PDE1A: variants seen among roughly 807,000 people sequenced by gnomAD.
PDE1A encodes the protein phosphodiesterase 1A.
In PDE1A, 35 loss-of-function variants were observed where a neutral mutation model predicts 61.7. That is an observed-to-expected ratio of 0.57 (90% CI 0.43 to 0.75). PDE1A has a LOEUF of 0.75. Among genes scored for constraint, PDE1A ranks in the 30% least tolerant of loss-of-function variants. The probability of loss-of-function intolerance (pLI) is 0.00; values close to 1 mark genes in which losing one functional copy is unlikely to be tolerated. For missense variants in PDE1A, 597 were observed against 630.6 expected, an observed-to-expected ratio of 0.95 and a Z score of 0.57; for synonymous variants, 232 against 213.2, an observed-to-expected ratio of 1.09 and a Z score of -0.77.
At chr2:182,264,824 A>T (rs1692487959) in intron 1 of PDE1A, among the ~76,000 whole-genome samples, 1 of 144,662 alleles carries the variant, frequency 6.9e-6, no homozygotes, top group Non-Finnish European at 1.5e-5. Context: ...ATATGGAACC[A>T]ACCTAAGTGC....
At chr2:182,264,538 T>C in intron 1 of PDE1A, 124 bp from the exon 2 acceptor site, 4 of 616,056 alleles carry the variant, frequency 6.5e-6, no homozygotes, top group Non-Finnish European at 1.1e-5. Context: ...GGTCAACAAA[T>C]AGCATTATTT....
chr2:182,698,892 T>G, the PDE1A span, among the ~76,000 whole-genome samples: 1 of 152,212 alleles, frequency 6.6e-6, no homozygotes, highest in Non-Finnish European at 1.5e-5. Context: ...ATTTCATCTC[T>G]AAATGCACTC....
chr2:182,711,887 G>A, the PDE1A span, among the ~76,000 whole-genome samples: 1 of 152,192 alleles, frequency 6.6e-6, no homozygotes, highest in Non-Finnish European at 1.5e-5. Flanking sequence ...TTGGAAGTTT[G>A]ATGAGGAATA....
chr2:182,175,520 T>C lies in PDE1A; in HGVS notation c.1517-7230A>G, dbSNP rs1343386785. Among the ~76,000 whole-genome samples the C allele has an allele frequency of 2.2e-5, 3 of 138,674 alleles. No homozygotes were observed. In the East Asian group the frequency reaches 6.3e-4, roughly 29 times the overall value. 91.0% of individuals were successfully genotyped at this position (138,674 alleles called of 152,430 possible). On this transcript the variant is annotated intron_variant, in intron 13 of 13. Coordinates refer to ENST00000351439, the Ensembl canonical transcript of PDE1A. ...TCTGTTCATGTCCTTTGCCCACTTT[T>C]TGATGGGGTTGTTTGTTTTTTTCTT...
At chr2:182,150,751 A>G (rs1263220281) in intron 13 of PDE1A, among the ~76,000 whole-genome samples, 1 of 152,210 alleles carries the variant, frequency 6.6e-6, no homozygotes, top group Non-Finnish European at 1.5e-5. Flanking sequence ...CAGACTTACC[A>G]AAACCAACAG....
chr2:182,454,842 G>C (rs1371047944), intron 2 of PDE1A, among the ~76,000 whole-genome samples: 2 of 150,942 alleles, frequency 1.3e-5, no homozygotes, highest in African/African-American at 2.4e-5. Flanking sequence ...CAATACGATT[G>C]AGGACATAGG....
intron 7 of PDE1A, among the ~76,000 whole-genome samples, chr2:182,220,785 T>C (rs554700219): frequency 1.3e-5 from 2 of 152,116 alleles, no homozygotes; most frequent in South Asian, 4.2e-4. Flanking sequence ...GAAAAAACAC[T>C]CTCAATCCAA....
chr2:182,513,690 CTTCA>C (rs1689960128), intron 2 of PDE1A, among the ~76,000 whole-genome samples: 1 of 152,174 alleles, frequency 6.6e-6, no homozygotes, highest in African/African-American at 2.4e-5. Context: ...TGTATGCTGT[CTTCA>C]AGAGACTCAT....
chr2:182,317,397 T>C (rs1045786699), intron 1 of PDE1A, among the ~76,000 whole-genome samples: 6 of 152,130 alleles, frequency 3.9e-5, no homozygotes, highest in African/African-American at 1.4e-4. Context: ...AACAAATATA[T>C]GTTGAACACC....
At chr2:182,664,527 T>C in the PDE1A span, among the ~76,000 whole-genome samples, 1 of 152,282 alleles carries the variant, frequency 6.6e-6, no homozygotes, top group Non-Finnish European at 1.5e-5. Context: ...CACTATCTTG[T>C]TATGGGATGA....
chr2:182,387,000 TAGAG>T (rs1391128006), intron 1 of PDE1A, among the ~76,000 whole-genome samples: 1 of 152,220 alleles, frequency 6.6e-6, no homozygotes, highest in Admixed American at 6.5e-5. Context: ...GGGGAAAAGA[TAGAG>T]AGATCGGATT....
At chr2:182,634,501 C>A in the PDE1A span, among the ~76,000 whole-genome samples, 2 of 152,186 alleles carry the variant, frequency 1.3e-5, no homozygotes, top group East Asian at 3.8e-4. Context: ...AACCAAGCAA[C>A]AGCAGGGGAG....
chr2:182,468,853 C>T (rs1310249410), intron 2 of PDE1A, among the ~76,000 whole-genome samples: 2 of 152,016 alleles, frequency 1.3e-5, no homozygotes, highest in East Asian at 3.9e-4. Context: ...TTTTACATCA[C>T]TAGCAGAGCT....
chr2:182,500,416 CA>C (rs1689018659), intron 2 of PDE1A, among the ~76,000 whole-genome samples: 1 of 151,810 alleles, frequency 6.6e-6, no homozygotes, highest in Non-Finnish European at 1.5e-5. Context: ...ATAGATAAAT[CA>C]AAAAACAACA....
At chr2:182,219,073 T>G (rs953667839) in intron 7 of PDE1A, among the ~76,000 whole-genome samples, 5 of 152,150 alleles carry the variant, frequency 3.3e-5, no homozygotes, top group African/African-American at 1.2e-4. Context: ...GAAAATCATT[T>G]GATCTATTTA....
At chr2:182,186,382 C>A (rs1685207466) in intron 12 of PDE1A, 86 bp downstream of exon 12, 1 of 1,454,254 alleles carries the variant, frequency 6.9e-7, no homozygotes, top group African/African-American at 1.4e-5. Flanking sequence ...GAATTCTCTG[C>A]CTAGATGTGA....
chr2:182,557,605 G>C, the PDE1A span, among the ~76,000 whole-genome samples: 1 of 152,038 alleles, frequency 6.6e-6, no homozygotes, highest in Non-Finnish European at 1.5e-5. Context: ...CCAGCTACTT[G>C]GGAGGCTGAG....
intron 13 of PDE1A, among the ~76,000 whole-genome samples, chr2:182,181,185 T>C (rs1684729266): frequency 6.6e-6 from 1 of 152,208 alleles, no homozygotes; most frequent in Admixed American, 6.5e-5. Flanking sequence ...TTTTGGAATT[T>C]TCAGCGTTTT....
chr2:182,631,857 G>A, the PDE1A span, among the ~76,000 whole-genome samples: 4 of 152,126 alleles, frequency 2.6e-5, no homozygotes, highest in Non-Finnish European at 2.9e-5. Flanking sequence ...TCTCAAACAC[G>A]TAAGTGGAAC....
Sources: gnomAD v4.1 joint callset for allele counts (sites outside exome capture counted in the v4.1 genomes callset) on GRCh38, gnomAD v4.1.1 for gene constraint, MANE v1.5 for transcripts, NCBI Gene and HGNC (gene_info 2026-07-23, HGNC 2026-07-21) for gene names.